Variants in TNFAIP8L1 observed in about 807,000 individuals in gnomAD.
TNFAIP8L1 encodes tumor necrosis factor alpha-induced protein 8-like protein 1.
For missense variants in TNFAIP8L1, 225 were observed against 266.1 expected, an observed-to-expected ratio of 0.85 and a Z score of 1.08; for synonymous variants, 127 against 125.6, an observed-to-expected ratio of 1.01 and a Z score of -0.08.
chr19:4,650,295 G>A (rs1464592751), intron 1 of TNFAIP8L1, among the ~76,000 whole-genome samples: 1 of 151,932 alleles, frequency 6.6e-6, no homozygotes, highest in African/African-American at 2.4e-5. Context: ...GAAGAGGCAG[G>A]GGCTTGGGGG....
chr19:4,650,849 T>G (rs1377450638), intron 1 of TNFAIP8L1, among the ~76,000 whole-genome samples: 1 of 152,004 alleles, frequency 6.6e-6, no homozygotes, highest in Non-Finnish European at 1.5e-5. Context: ...CCAGGTGTGG[T>G]GGCGGGCGCC....
chr19:4,644,388 A>AG (rs1407906155), intron 1 of TNFAIP8L1, among the ~76,000 whole-genome samples: 3 of 151,094 alleles, frequency 2.0e-5, no homozygotes, highest in Non-Finnish European at 4.4e-5. Context: ...AAAAAAAAAA[A>AG]AAAAAAATTA....
rs940921314 is a variant in TNFAIP8L1, at chr19:4,655,488, T to G, written c.*3058T>G. On this transcript the variant is annotated 3_prime_UTR_variant, in exon 2 of 2. Coordinates refer to ENST00000327473, the MANE Select transcript of TNFAIP8L1 (RefSeq NM_152362.3). ...GGGCTGTCCAGACAGTCTGGACTCT[T>G]GTAAATTTGAGATTTAATTAAAGGA... 2.6e-5 allele frequency: 4 copies of G among 152,180 alleles called. No individual in the cohort carries two copies. Among genetic ancestry groups the G allele is most frequent in the African/African-American group, 9.7e-5 (4 of 41,432 alleles). 9.4% of individuals were successfully genotyped at this position (152,180 alleles called of 1,614,324 possible).
Position 4,652,719 on chromosome 19 carries a change from G to A in TNFAIP8L1, c.*289G>A, listed in dbSNP as rs1038536242. ...CCGTTTGTACTTTCTGGGCCACGCC[G>A]ACCCCTGGGTCGCTTGATGTAAAAG... On this transcript the variant is annotated 3_prime_UTR_variant, in exon 2 of 2. Coordinates refer to ENST00000327473, the MANE Select transcript of TNFAIP8L1 (RefSeq NM_152362.3). 4 of 411,234 alleles carry A rather than the reference G, an allele frequency of 9.7e-6. No homozygotes were observed. Among genetic ancestry groups the A allele is most frequent in the Non-Finnish European group, 8.9e-6 (2 of 224,380 alleles). The allele number at this position is 411,234 out of a possible 1,614,324, so 25.5% of individuals were successfully genotyped here.
intron 1 of TNFAIP8L1, among the ~76,000 whole-genome samples, chr19:4,648,448 T>C (rs1003458733): frequency 1.3e-5 from 2 of 152,110 alleles, no homozygotes; most frequent in Admixed American, 6.6e-5. Context: ...GGCAGAACAA[T>C]GGGTCAGGGA....
At chr19:4,649,858 A>G (rs2088345984) in intron 1 of TNFAIP8L1, among the ~76,000 whole-genome samples, 1 of 152,222 alleles carries the variant, frequency 6.6e-6, no homozygotes, top group Admixed American at 6.5e-5. Context: ...CCCTGACCTC[A>G]GAGGGCGGCC....
chr19:4,644,400 C>G (rs1812315405), intron 1 of TNFAIP8L1, among the ~76,000 whole-genome samples: 1 of 148,698 alleles, frequency 6.7e-6, no homozygotes, highest in Admixed American at 6.7e-5. Context: ...AAAAAATTAA[C>G]CAGGCATGGT....
Position 4,651,794 on chromosome 19 carries a change from T to C in TNFAIP8L1, c.-3-73T>C, listed in dbSNP as rs1221403211. ...ATTCCGTTAGGCCCTCTGGGGTCTG[T>C]GGTGTTGTCACCTCTTCTGTGTGAG... On this transcript the variant is annotated intron_variant, in intron 1 of 1. Coordinates refer to ENST00000327473, the MANE Select transcript of TNFAIP8L1 (RefSeq NM_152362.3). The C allele has an allele frequency of 5.4e-6, 8 of 1,472,550 alleles. No individual in the cohort carries two copies. In the Admixed American group the frequency reaches 1.1e-4, roughly 20 times the overall value. The allele number at this position is 1,472,550 out of a possible 1,614,324, so 91.2% of individuals were successfully genotyped here. A position where few individuals can be genotyped will look rare whatever the true frequency, so the allele number is the denominator to read the frequency against.
At chr19:4,649,086 T>A (rs907924452) in intron 1 of TNFAIP8L1, among the ~76,000 whole-genome samples, 2 of 151,792 alleles carry the variant, frequency 1.3e-5, no homozygotes, top group Non-Finnish European at 2.9e-5. Context: ...CCCACCACCA[T>A]GCCCAGCTAA....
rs890074366 is a variant in TNFAIP8L1 at position 4,652,260 on chromosome 19, G to A, written c.391G>A (p.Val131Met). ...GTGCCGCGACCTGCTGCACCAGGCC[G>A]TGGGTCCCCACCTGACCGCCAAGTC... ...LECRDLLHQA[V>M]GPHLTAKSHG... is the part of the protein sequence containing the mutation. The change falls in exon 2 of 2, where the codon GTG (valine) becomes ATG (methionine). Residue 131 changes from valine to methionine, a missense_variant. Transcript: ENST00000327473. 50 of 1,561,616 alleles carry A rather than the reference G, an allele frequency of 3.2e-5. No individual in the cohort carries two copies. The highest frequency in any genetic ancestry group is 7.4e-5 in the Admixed American group (4 of 54,368).
rs1462325659 is a variant in TNFAIP8L1 at position 4,645,454 on chromosome 19, T to A, written c.-4+5825T>A. Among the ~76,000 whole-genome samples the A allele has an allele frequency of 6.6e-6, 1 of 152,136 alleles. No individual in the cohort carries two copies. The highest frequency in any genetic ancestry group is 1.5e-5 in the Non-Finnish European group (1 of 68,028). ...AGCTGGGTGTGGTGGCATGCACCTG[T>A]AGTCCTAGCTACTTGGGAGGCTGAG... On this transcript the variant is annotated intron_variant, in intron 1 of 1. Coordinates refer to ENST00000327473, the MANE Select transcript of TNFAIP8L1 (RefSeq NM_152362.3). The surrounding 1 kb of genome is among the most constrained non-coding windows in gnomAD (Gnocchi z 4.1).
chr19:4,642,833 A>G, intron 1 of TNFAIP8L1, among the ~76,000 whole-genome samples: 1 of 149,378 alleles, frequency 6.7e-6, no homozygotes, highest in African/African-American at 2.5e-5. Context: ...GGGAGGTGGG[A>G]GCCATGGAGG....
At chr19:4,642,846 G>T (rs1438277186) in intron 1 of TNFAIP8L1, among the ~76,000 whole-genome samples, 1 of 152,048 alleles carries the variant, frequency 6.6e-6, no homozygotes, top group Non-Finnish European at 1.5e-5. Context: ...CATGGAGGGT[G>T]GTGGGCAGGG....
Position 4,652,242 on chromosome 19 carries a change from G to T in TNFAIP8L1, c.373G>T (p.Asp125Tyr). The T allele has an allele frequency of 1.3e-6, 2 of 1,553,246 alleles. No homozygotes were observed. Among genetic ancestry groups the T allele is most frequent in the Non-Finnish European group, 1.7e-6 (2 of 1,152,538 alleles). Residue 125 changes from aspartate to tyrosine, a missense_variant, in exon 2 of 2, where the codon GAC becomes TAC. Physicochemically the swap from Asp to Tyr is radical, Grantham distance 160 (BLOSUM62 -3). Transcript: ENST00000327473. Reference sequence around the variant, plus strand: ...GGCCGCCGGGCTGCTCGAGTGCCGCGACCTGCTGCACCAGGCCGTGGGTCC... The same window carrying T: ...GGCCGCCGGGCTGCTCGAGTGCCGCTACCTGCTGCACCAGGCCGTGGGTCC... ...VLAAGLLECR[D>Y]LLHQAVGPHL...
At chr19:4,640,499 T>G (rs2088249219) in intron 1 of TNFAIP8L1, 1 of 152,272 alleles carries the variant, frequency 6.6e-6, no homozygotes, top group Admixed American at 6.5e-5. Flanking sequence ...GTGGCGGAGC[T>G]TGGACCAATC....
chr19:4,650,044 C>G lies in TNFAIP8L1; in HGVS notation c.-3-1823C>G, dbSNP rs1321184797. On this transcript the variant is annotated intron_variant, in intron 1 of 1. Transcript: ENST00000327473. ...GAGAGACCGGGGGCGGGTCTCAGGCCCTCCCTCCTCCGCCAGTTCTTCCAC... is the reference window on the plus strand; with the variant it reads ...GAGAGACCGGGGGCGGGTCTCAGGCGCTCCCTCCTCCGCCAGTTCTTCCAC... Among the ~76,000 whole-genome samples the G allele has an allele frequency of 2.0e-5, 3 of 152,144 alleles. No individual in the cohort carries two copies. In the East Asian group the frequency reaches 5.8e-4, roughly 29 times the overall value.
chr19:4,651,402 A>G (rs2088363331), intron 1 of TNFAIP8L1, among the ~76,000 whole-genome samples: 1 of 151,662 alleles, frequency 6.6e-6, no homozygotes, highest in Non-Finnish European at 1.5e-5. Context: ...CTGGTCTCAA[A>G]CTCCTGGCCT....
In TNFAIP8L1 at chr19:4,652,443, C is replaced by A; in HGVS notation, c.*13C>A. 6.7e-7 allele frequency: 1 copy of A among 1,495,724 alleles called. No homozygotes were observed. Among genetic ancestry groups the A allele is most frequent in the South Asian group, 1.3e-5 (1 of 77,840 alleles). 92.7% of individuals were successfully genotyped at this position (1,495,724 alleles called of 1,614,324 possible). A position where few individuals can be genotyped will look rare whatever the true frequency, so the allele number is the denominator to read the frequency against. On this transcript the variant is annotated 3_prime_UTR_variant, in exon 2 of 2. Transcript: ENST00000327473. ...GGGCAGCCTCTGAACCCCGGCGCCGCCCAACCGCGCCCCTCGCGCCTTTTG... is the reference window on the plus strand; with the variant it reads ...GGGCAGCCTCTGAACCCCGGCGCCGACCAACCGCGCCCCTCGCGCCTTTTG...
chr19:4,644,081 C>T (rs1232311874), intron 1 of TNFAIP8L1, among the ~76,000 whole-genome samples: 35 of 151,712 alleles, frequency 2.3e-4, no homozygotes, highest in Non-Finnish European at 4.4e-4. Flanking sequence ...ATTAACCGGG[C>T]GTGGTGGCGC....
Sources: allele counts gnomAD v4.1 joint callset (sites outside exome capture counted in the v4.1 genomes callset), GRCh38; gene constraint gnomAD v4.1.1; non-coding constraint Gnocchi (gnomAD v3.1); transcripts MANE v1.5; gene names NCBI Gene and HGNC (gene_info 2026-07-23, HGNC 2026-07-21).